ANKRD6: variants seen among roughly 807,000 people sequenced by gnomAD.
The protein encoded by ANKRD6 is ankyrin repeat domain-containing protein 6.
ANKRD6 carries 56 observed loss-of-function variants against 82.3 expected under a neutral mutation model. The ratio of observed to expected loss-of-function variants is 0.68; its 90% confidence interval spans 0.55 to 0.85. The LOEUF is 0.85. Ranked by LOEUF, ANKRD6 falls within the 40% of genes least tolerant of loss-of-function variation. ANKRD6 has a pLI of 0.00. For synonymous variants in ANKRD6, 347 were observed against 352.1 expected (o/e 0.99, Z 0.16); for missense variants, 852 against 907.6 (o/e 0.94, Z 0.79).
Position 89,630,560 on chromosome 6 carries a change from T to A in ANKRD6, c.1740T>A (p.Ser580=). The part of the protein sequence containing the change: ...ATQRLQQELS[S]SDCTGSRLRN... ...AGAGACTCCAGCAGGAGCTGTCGTC[T>A]TCTGACTGTACAGGCTCCCGACTGA... The change falls in exon 16 of 16, where the codon TCT becomes TCA. Residue 580 remains serine (S), a synonymous_variant. Coordinates refer to ENST00000339746, the MANE Select transcript of ANKRD6 (RefSeq NM_001242809.2). 1 of 1,613,958 alleles carries A rather than the reference T, an allele frequency of 6.2e-7. No homozygotes were observed. The highest frequency in any genetic ancestry group is 8.5e-7 in the Non-Finnish European group (1 of 1,179,844).
Position 89,631,237 on chromosome 6 carries a change from A to G in ANKRD6, c.*233A>G. ...TGCTTAGTTTTGGGTTTCATTATAA[A>G]CTCTTAGCCTCAGTCCAGGTTAATC... On this transcript the variant is annotated 3_prime_UTR_variant, in exon 16 of 16. Coordinates refer to ENST00000339746, the MANE Select transcript of ANKRD6 (RefSeq NM_001242809.2). The G allele has an allele frequency of 1.5e-6, 1 of 647,112 alleles. No individual in the cohort carries two copies. Among genetic ancestry groups the G allele is most frequent in the South Asian group, 4.0e-5 (1 of 25,310 alleles). 40.1% of individuals were successfully genotyped at this position (647,112 alleles called of 1,614,324 possible).
At chr6:89,568,829 G>A (rs1227561610) in intron 2 of ANKRD6, among the ~76,000 whole-genome samples, 1 of 151,984 alleles carries the variant, frequency 6.6e-6, no homozygotes, top group Non-Finnish European at 1.5e-5. Context: ...CTCCAGAACT[G>A]AGGAACAAAT....
At chr6:89,442,348 G>A (rs1771502625) in intron 1 of ANKRD6, among the ~76,000 whole-genome samples, 1 of 152,052 alleles carries the variant, frequency 6.6e-6, no homozygotes, top group South Asian at 2.1e-4. Context: ...ATCAGGCTGG[G>A]TGAGGTGGCT....
chr6:89,469,380 A>G (rs1775201509), intron 1 of ANKRD6, among the ~76,000 whole-genome samples: 1 of 152,122 alleles, frequency 6.6e-6, no homozygotes, highest in African/African-American at 2.4e-5. Flanking sequence ...TGTAAGTCCA[A>G]CAAGCAGCTG....
At chr6:89,522,644 G>T (rs1562712326) in intron 1 of ANKRD6, among the ~76,000 whole-genome samples, 1 of 152,162 alleles carries the variant, frequency 6.6e-6, no homozygotes, top group Non-Finnish European at 1.5e-5. Flanking sequence ...CCATGGGAGA[G>T]GTTTTAGCTT....
intron 1 of ANKRD6, among the ~76,000 whole-genome samples, chr6:89,492,790 G>C (rs1407958327): frequency 6.6e-6 from 1 of 152,090 alleles, no homozygotes; most frequent in Non-Finnish European, 1.5e-5. Flanking sequence ...GGACCATTTG[G>C]TACCTTTTTT....
intron 1 of ANKRD6, among the ~76,000 whole-genome samples, chr6:89,515,703 G>A (rs1463957837): frequency 6.6e-6 from 1 of 152,026 alleles, no homozygotes; most frequent in East Asian, 1.9e-4. Flanking sequence ...TGGATTATCT[G>A]GGTAGGATCT....
At chr6:89,570,020 A>G (rs1217622638) in intron 2 of ANKRD6, among the ~76,000 whole-genome samples, 1 of 151,122 alleles carries the variant, frequency 6.6e-6, no homozygotes, top group Non-Finnish European at 1.5e-5. Context: ...AGTCAAGTTT[A>G]ATATTTTATT....
At chr6:89,481,815 CTGGTACTGG>C (rs1183732961) in intron 1 of ANKRD6, among the ~76,000 whole-genome samples, 1 of 152,096 alleles carries the variant, frequency 6.6e-6, no homozygotes, top group Non-Finnish European at 1.5e-5. Context: ...ACTGATAGCA[CTGGTACTGG>C]TGGTACTGGT....
At chr6:89,500,966 A>G (rs1050461594) in intron 1 of ANKRD6, among the ~76,000 whole-genome samples, 3 of 145,986 alleles carry the variant, frequency 2.1e-5, no homozygotes, top group Admixed American at 6.9e-5. Flanking sequence ...ACTGTCCCCA[A>G]TTAGTCTTTT....
intron 1 of ANKRD6, among the ~76,000 whole-genome samples, chr6:89,482,569 T>C (rs774174882): frequency 6.6e-6 from 1 of 151,848 alleles, no homozygotes; most frequent in East Asian, 1.9e-4. Flanking sequence ...CAGCACCCAC[T>C]ACGTAGGCTA....
At position 89,622,005 on chromosome 6, in the gene ANKRD6, A is replaced by C; in HGVS notation, c.876A>C (p.Arg292Ser). 1 of 1,612,430 alleles carries C rather than the reference A, an allele frequency of 6.2e-7. No homozygotes were observed. Among genetic ancestry groups the C allele is most frequent in the South Asian group, 1.1e-5 (1 of 91,016 alleles). The change falls in exon 10 of 16, where the codon AGA becomes AGC. Residue 292 changes from arginine to serine, a missense_variant. Physicochemically the swap from Arg to Ser is moderately radical, Grantham distance 110. Transcript: ENST00000339746. ...KEERRAQSVP[R>S]DEVAQSKGSV... is the part of the protein sequence containing the mutation. ...AGAGGAGAGCCCAGTCTGTGCCAAG[A>C]GATGAGGTGGCCCAAAGCAAGGTGG...
At chr6:89,590,417 G>T (rs1253265667) in intron 2 of ANKRD6, among the ~76,000 whole-genome samples, 3 of 152,174 alleles carry the variant, frequency 2.0e-5, no homozygotes, top group Non-Finnish European at 2.9e-5. Flanking sequence ...TCACCACAGC[G>T]AGTTGATGAG....
intron 6 of ANKRD6, among the ~76,000 whole-genome samples, chr6:89,612,747 A>G (rs998464423): frequency 6.6e-6 from 1 of 152,192 alleles, no homozygotes; most frequent in Non-Finnish European, 1.5e-5. Context: ...GGTGCCATTT[A>G]CAGGGGAGGT....
chr6:89,537,017 A>G (rs1233388234), intron 1 of ANKRD6, among the ~76,000 whole-genome samples: 2 of 152,116 alleles, frequency 1.3e-5, no homozygotes, highest in African/African-American at 2.4e-5. Flanking sequence ...AGTAGTAGTT[A>G]CGATACTTGT....
chr6:89,616,372 G>A (rs1801578586), intron 7 of ANKRD6, 187 bp from the exon 8 acceptor site: 4 of 588,626 alleles, frequency 6.8e-6, no homozygotes, highest in East Asian at 5.7e-5. Context: ...TGATATTGGT[G>A]CCGAGGTCAC....
intron 13 of ANKRD6, among the ~76,000 whole-genome samples, chr6:89,625,757 T>C (rs934530217): frequency 1.3e-5 from 2 of 150,460 alleles, no homozygotes; most frequent in African/African-American, 2.4e-5. Context: ...TTTTTTTTTT[T>C]AGATGGGGTC....
chr6:89,563,815 G>T lies in ANKRD6; in HGVS notation c.-143-3019G>T, dbSNP rs568413656. Among the ~76,000 whole-genome samples, 11 of 152,250 alleles carry T rather than the reference G, an allele frequency of 7.2e-5. No homozygotes were observed. The South Asian group carries it at 2.3e-3, about 32-fold the overall frequency. On this transcript the variant is annotated intron_variant, in intron 1 of 15. Coordinates refer to ENST00000339746, the MANE Select transcript of ANKRD6 (RefSeq NM_001242809.2). ...GAGTGTCTTCTCACTCTAAGGAATG[G>T]GTATCATTGTTCTAGATGGGAGGTA...
At chr6:89,553,406 A>G (rs899407796) in intron 1 of ANKRD6, among the ~76,000 whole-genome samples, 1 of 152,188 alleles carries the variant, frequency 6.6e-6, no homozygotes, top group Middle Eastern at 3.2e-3. Flanking sequence ...CCTCTGTGGG[A>G]TAGCGTAGAA....
Sources: allele counts gnomAD v4.1 joint callset (sites outside exome capture counted in the v4.1 genomes callset), GRCh38; gene constraint gnomAD v4.1.1; transcripts MANE v1.5; gene names NCBI Gene and HGNC (gene_info 2026-07-23, HGNC 2026-07-21).